The following FNDC1 variants were observed in gnomAD, a reference collection of about 807,000 sequenced individuals.
FNDC1 encodes the protein fibronectin type III domain-containing protein 1.
FNDC1 carries 96 observed loss-of-function variants against 168.0 expected under a neutral mutation model. That is an observed-to-expected ratio of 0.57 (90% CI 0.48 to 0.68). FNDC1 has a LOEUF of 0.68. FNDC1 is among the 30% of genes least tolerant of loss of function. The pLI is 0.00. For missense variants in FNDC1, 2,587 were observed against 2,482.1 expected (o/e 1.04, Z -0.90); for synonymous variants, 1,099 against 1,025.9 (o/e 1.07, Z -1.36).
Position 159,232,838 on chromosome 6 carries a change from C to G in FNDC1, c.2326C>G (p.Gln776Glu). The change falls in exon 11 of 23, where the codon CAG (glutamine) becomes GAG (glutamate). Residue 776 changes from glutamine to glutamate, a missense_variant. Physicochemically the swap from Gln to Glu is conservative, Grantham distance 29. Transcript: ENST00000297267. This position sits in a 1 kb window ranked among gnomAD's most constrained non-coding sequence, Gnocchi z 4.9. ...SVSSHLSSRT[Q>E]VSEGAEASDG... ...CTCTTCTCATCTCTCGTCCAGGACG[C>G]AGGTCTCTGAGGGAGCGGAGGCTTC... The G allele has an allele frequency of 1.9e-6, 3 of 1,613,922 alleles. No individual in the cohort carries two copies. Among genetic ancestry groups the G allele is most frequent in the Non-Finnish European group, 2.5e-6 (3 of 1,179,892 alleles).
intron 1 of FNDC1, among the ~76,000 whole-genome samples, chr6:159,174,505 C>T (rs978494020): frequency 6.6e-6 from 1 of 152,256 alleles, no homozygotes; most frequent in African/African-American, 2.4e-5. Context: ...CCGTGCAGCC[C>T]TAGTTGGACT....
chr6:159,200,469 A>G (rs1782353355), intron 3 of FNDC1, 44 bp from the exon 4 acceptor site: 2 of 1,465,802 alleles, frequency 1.4e-6, no homozygotes, highest in African/African-American at 1.4e-5. Flanking sequence ...GGAAAACCCA[A>G]CAGTCCTCGT....
intron 19 of FNDC1, among the ~76,000 whole-genome samples, chr6:159,261,640 C>T (rs1777487305): frequency 6.6e-6 from 1 of 152,210 alleles, no homozygotes; most frequent in South Asian, 2.1e-4. Context: ...AGGAAGTTGC[C>T]TTTCCAATGA....
intron 4 of FNDC1, among the ~76,000 whole-genome samples, chr6:159,204,080 G>A (rs1409381207): frequency 6.6e-6 from 1 of 152,082 alleles, no homozygotes; most frequent in Non-Finnish European, 1.5e-5. Context: ...TTATATTTTA[G>A]TTCGCGACGC....
intron 6 of FNDC1, among the ~76,000 whole-genome samples, chr6:159,223,086 C>T (rs1271526142): frequency 6.7e-6 from 1 of 150,360 alleles, no homozygotes; most frequent in South Asian, 2.1e-4. Context: ...AGCTCCGCCT[C>T]CTGGATTCAC....
chr6:159,217,025 G>A (rs1782722788), intron 5 of FNDC1, among the ~76,000 whole-genome samples: 2 of 152,228 alleles, frequency 1.3e-5, no homozygotes, highest in African/African-American at 2.4e-5. Flanking sequence ...GGAGGCTGGA[G>A]GTGGGAGCGG....
chr6:159,267,244 C>G (rs1483583818), intron 21 of FNDC1, among the ~76,000 whole-genome samples: 2 of 152,078 alleles, frequency 1.3e-5, no homozygotes, highest in African/African-American at 2.4e-5. Flanking sequence ...TCTTTTCTTT[C>G]TCTTCCATCA....
chr6:159,235,260 G>A (rs1301333052), intron 11 of FNDC1, among the ~76,000 whole-genome samples: 3 of 152,094 alleles, frequency 2.0e-5, no homozygotes, highest in Non-Finnish European at 4.4e-5. Flanking sequence ...GTTAAATGGT[G>A]CTTTAAACCC....
Position 159,242,041 on chromosome 6 carries a change from C to G in FNDC1, c.4621+2084C>G, listed in dbSNP as rs192281709. 2.0e-5 allele frequency among the ~76,000 whole-genome samples: 3 copies of G among 152,246 alleles called. No individual in the cohort carries two copies. The East Asian group carries it at 5.8e-4, about 29-fold the overall frequency. On this transcript the variant is annotated intron_variant, in intron 14 of 22. Transcript: ENST00000297267. Reference sequence around the variant, plus strand: ...ACAAAGATACATGCACATGTATGTTCATTGCAGCACTATTCACAATAGCAA... The same window carrying G: ...ACAAAGATACATGCACATGTATGTTGATTGCAGCACTATTCACAATAGCAA...
Position 159,169,777 on chromosome 6 carries a change from C to T in FNDC1, c.109+72C>T. The T allele has an allele frequency of 1.8e-6, 1 of 547,144 alleles. No individual in the cohort carries two copies. The highest frequency in any genetic ancestry group is 5.9e-5 in the East Asian group (1 of 17,064). 33.9% of individuals were successfully genotyped at this position (547,144 alleles called of 1,614,324 possible). On this transcript the variant is annotated intron_variant, in intron 1 of 22. Coordinates refer to ENST00000297267, the MANE Select transcript of FNDC1 (RefSeq NM_032532.3). The surrounding 1 kb of genome is among the most constrained non-coding windows in gnomAD (Gnocchi z 6.8). ...CCCTCCTGCGCTCGGGCCCCGTCGT[C>T]CCGCTCAGTGCTGGCTACGGGTCGT...
chr6:159,269,581 G>A lies in FNDC1; in HGVS notation c.5569+1655G>A, dbSNP rs56301262. On this transcript the variant is annotated intron_variant, in intron 22 of 22. Transcript: ENST00000297267. Reference sequence around the variant, plus strand: ...ATCCATCCATCCATCTATCCTATCTGTCTGTCTGTCTGTCTGTCTATCTAT... The same window carrying A: ...ATCCATCCATCCATCTATCCTATCTATCTGTCTGTCTGTCTGTCTATCTAT... Among the ~76,000 whole-genome samples, 226 of 104,994 alleles carry A rather than the reference G, an allele frequency of 2.2e-3. 2 individuals are homozygous for A. Among genetic ancestry groups the A allele is most frequent in the African/African-American group, 6.8e-3 (179 of 26,322 alleles). 68.9% of individuals were successfully genotyped at this position (104,994 alleles called of 152,430 possible). A position where few individuals can be genotyped will look rare whatever the true frequency, so the allele number is the denominator to read the frequency against.
At chr6:159,250,589 T>C (rs912153392) in intron 16 of FNDC1, among the ~76,000 whole-genome samples, 2 of 152,120 alleles carry the variant, frequency 1.3e-5, no homozygotes, top group Non-Finnish European at 2.9e-5. Context: ...TGCTATCTGA[T>C]CCTTGCATAG....
At chr6:159,257,214 T>C (rs1232666583) in intron 18 of FNDC1, among the ~76,000 whole-genome samples, 1 of 152,166 alleles carries the variant, frequency 6.6e-6, no homozygotes, top group East Asian at 1.9e-4. Context: ...TTCATTCCCC[T>C]TGTATGCCAT....
chr6:159,230,037 T>G (rs755970410), intron 10 of FNDC1, 34 bp downstream of exon 10: 3 of 1,568,042 alleles, frequency 1.9e-6, no homozygotes, highest in Non-Finnish European at 2.6e-6. Flanking sequence ...GTCTTCTCTC[T>G]CTCTTCATTC....
At position 159,215,147 on chromosome 6, in the gene FNDC1, G is replaced by A; in HGVS notation, c.663G>A (p.Lys221=). ...TRDERTHEIK[K]LASESVYVVS... is the part of the protein sequence containing the mutation. Reference sequence around the variant, plus strand: ...ATGAACGGACACACGAAATTAAAAAGCTAGGTGAGTTTCATATTCATTGGT... The same window carrying A: ...ATGAACGGACACACGAAATTAAAAAACTAGGTGAGTTTCATATTCATTGGT... Residue 221 remains lysine, a synonymous_variant, in exon 5 of 23, where the codon AAG becomes AAA. Transcript: ENST00000297267. 1 of 1,613,236 alleles carries A rather than the reference G, an allele frequency of 6.2e-7. No homozygotes were observed. The highest frequency in any genetic ancestry group is 1.3e-5 in the African/African-American group (1 of 75,042).
intron 20 of FNDC1, 26 bp from the exon 21 acceptor site, chr6:159,266,058 T>C: frequency 6.2e-7 from 1 of 1,612,016 alleles, no homozygotes; most frequent in Non-Finnish European, 8.5e-7. Context: ...TGCTTACCCT[T>C]AGCAGGTGTG....
intron 12 of FNDC1, among the ~76,000 whole-genome samples, chr6:159,237,867 C>T (rs1033288361): frequency 3.9e-5 from 6 of 152,122 alleles, no homozygotes; most frequent in Admixed American, 6.5e-5. Flanking sequence ...TTCACATATA[C>T]GTAGAACGTA....
Position 159,246,893 on chromosome 6 carries a change from C to T in FNDC1, c.4622-8C>T. The T allele has an allele frequency of 6.2e-7, 1 of 1,606,470 alleles. No homozygotes were observed. The highest frequency in any genetic ancestry group is 8.5e-7 in the Non-Finnish European group (1 of 1,172,984). On this transcript the variant is annotated splice_polypyrimidine_tract_variant and splice_region_variant and intron_variant, in intron 14 of 22. Coordinates refer to ENST00000297267, the MANE Select transcript of FNDC1 (RefSeq NM_032532.3). ...TGGATGACTGGTCCTTTTCTCTGTC[C>T]TCACTAGATGAGTTCTCAGGCTTGG...
chr6:159,251,529 A>C lies in FNDC1; in HGVS notation c.5062A>C (p.Thr1688Pro), dbSNP rs1562309128. 6.2e-7 allele frequency: 1 copy of C among 1,612,856 alleles called. No individual in the cohort carries two copies. The highest frequency in any genetic ancestry group is 8.5e-7 in the Non-Finnish European group (1 of 1,179,306). ...CAAAGCCACCCCAGGAGATGTGGTC[A>C]CAGGTGTGTCCTAAGCAGAAATCAG... Reference protein sequence around the residue: ...WDKATPGDVVTGYLVYSASYE... With the variant: ...WDKATPGDVVPGYLVYSASYE... The change falls in exon 17 of 23, where the codon ACA (threonine) becomes CCA (proline). Residue 1688 changes from threonine (T) to proline (P), a missense_variant. Coordinates refer to ENST00000297267, the MANE Select transcript of FNDC1 (RefSeq NM_032532.3).
Sources: allele counts gnomAD v4.1 joint callset (sites outside exome capture counted in the v4.1 genomes callset), GRCh38; gene constraint gnomAD v4.1.1; non-coding constraint Gnocchi (gnomAD v3.1); transcripts MANE v1.5; gene names NCBI Gene and HGNC (gene_info 2026-07-23, HGNC 2026-07-21).